The following CA10 variants were observed in gnomAD, a reference collection of about 807,000 sequenced individuals.
CA10 encodes the protein carbonic anhydrase-related protein 10.
In CA10, 14 loss-of-function variants were observed where a neutral mutation model predicts 44.2. The observed-to-expected ratio is 0.32, with a 90% CI of 0.21 to 0.50. The LOEUF (loss-of-function observed/expected upper bound fraction) is 0.50, where lower values mean the gene tolerates loss of function less well. Ranked by LOEUF, CA10 falls within the 20% of genes least tolerant of loss-of-function variation. The probability of loss-of-function intolerance (pLI) is 0.99; values close to 1 mark genes in which losing one functional copy is unlikely to be tolerated. For synonymous variants in CA10, 159 were observed against 141.6 expected (o/e 1.12, Z -0.87); for missense variants, 350 against 409.7 (o/e 0.85, Z 1.26).
intron 3 of CA10, among the ~76,000 whole-genome samples, chr17:51,790,530 T>C (rs1032445061): frequency 2.6e-5 from 4 of 152,228 alleles, no homozygotes; most frequent in Non-Finnish European, 5.9e-5. Context: ...CTTGAACACA[T>C]TTCTTTTCAT....
chr17:51,680,998 G>A (rs912942174), intron 4 of CA10, among the ~76,000 whole-genome samples: 1 of 152,120 alleles, frequency 6.6e-6, no homozygotes, highest in African/African-American at 2.4e-5. Flanking sequence ...AATATTTATG[G>A]TGCCTATGAA....
intron 2 of CA10, among the ~76,000 whole-genome samples, chr17:52,044,985 A>G (rs1481692388): frequency 6.6e-6 from 1 of 151,906 alleles, no homozygotes; most frequent in East Asian, 2.0e-4. Context: ...ACCATAAAAA[A>G]TTGAACATAA....
chr17:51,869,909 G>A (rs1979726341), intron 3 of CA10, among the ~76,000 whole-genome samples: 1 of 152,168 alleles, frequency 6.6e-6, no homozygotes, highest in South Asian at 2.1e-4. Flanking sequence ...GTATAAAGAT[G>A]TCTATTAGAA....
chr17:51,830,917 C>T (rs1033071685), intron 3 of CA10, among the ~76,000 whole-genome samples: 2 of 152,166 alleles, frequency 1.3e-5, no homozygotes, highest in Non-Finnish European at 2.9e-5. Flanking sequence ...AGACCACAGG[C>T]CTGAACTTGG....
chr17:51,643,072 G>A (rs533355646), intron 6 of CA10, among the ~76,000 whole-genome samples: 1 of 152,320 alleles, frequency 6.6e-6, no homozygotes, highest in Non-Finnish European at 1.5e-5. Flanking sequence ...AGAGGAAAGT[G>A]TTTTATATGC....
At chr17:52,098,380 T>C (rs1988456572) in intron 1 of CA10, among the ~76,000 whole-genome samples, 2 of 152,212 alleles carry the variant, frequency 1.3e-5, no homozygotes, top group Admixed American at 1.3e-4. Context: ...ACAACTTGCC[T>C]GGTGATGCCA....
At position 51,996,743 on chromosome 17, in the gene CA10, C is replaced by T. The variant is rs796342116; in HGVS notation, c.137-65611G>A. 7.2e-5 allele frequency among the ~76,000 whole-genome samples: 11 copies of T among 152,080 alleles called. 2 individuals are homozygous for T. Among genetic ancestry groups the T allele is most frequent in the African/African-American group, 2.6e-4 (11 of 41,514 alleles). ...TTGATCAGAAATCATGCCCACTTGG[C>T]CTTTTTGACACCCACCTTGTAAAGG... On this transcript the variant is annotated intron_variant, in intron 2 of 8. Coordinates refer to ENST00000451037, the MANE Select transcript of CA10 (RefSeq NM_020178.5).
At chr17:52,120,171 C>T (rs1988982405) in intron 1 of CA10, among the ~76,000 whole-genome samples, 2 of 152,214 alleles carry the variant, frequency 1.3e-5, no homozygotes, top group Admixed American at 1.3e-4. Context: ...GATTTTTGAG[C>T]TGCCCTTACC....
intron 2 of CA10, among the ~76,000 whole-genome samples, chr17:52,023,631 C>A (rs1207633175): frequency 6.6e-6 from 1 of 151,458 alleles, no homozygotes; most frequent in Non-Finnish European, 1.5e-5. Context: ...GGATGTGATT[C>A]AACTAATGAG....
intron 2 of CA10, among the ~76,000 whole-genome samples, chr17:51,961,743 T>C (rs1307972467): frequency 6.6e-6 from 1 of 152,158 alleles, no homozygotes; most frequent in Non-Finnish European, 1.5e-5. Flanking sequence ...CTACCAAAAC[T>C]GACAAGAAAT....
intron 3 of CA10, among the ~76,000 whole-genome samples, chr17:51,768,437 T>A (rs1905471057): frequency 6.6e-6 from 1 of 152,200 alleles, no homozygotes; most frequent in South Asian, 2.1e-4. Context: ...AATAAGACAT[T>A]CCATCATCTT....
At chr17:52,090,494 A>T (rs1054703308) in intron 1 of CA10, among the ~76,000 whole-genome samples, 1 of 152,162 alleles carries the variant, frequency 6.6e-6, no homozygotes. Context: ...TAAATATCAA[A>T]ATCTACAGCA....
intron 3 of CA10, among the ~76,000 whole-genome samples, chr17:51,883,613 C>A (rs1387478173): frequency 6.6e-6 from 1 of 152,112 alleles, no homozygotes; most frequent in Non-Finnish European, 1.5e-5. Context: ...TTTCTTCTTT[C>A]ATCTTCCAGG....
intron 3 of CA10, among the ~76,000 whole-genome samples, chr17:51,907,122 A>T (rs772345757): frequency 1.3e-5 from 2 of 152,120 alleles, no homozygotes; most frequent in Non-Finnish European, 2.9e-5. Flanking sequence ...GGCTCTTGAC[A>T]ATCAGACTTT....
chr17:52,043,770 T>A (rs1312510828), intron 2 of CA10, among the ~76,000 whole-genome samples: 1 of 152,136 alleles, frequency 6.6e-6, no homozygotes, highest in Non-Finnish European at 1.5e-5. Flanking sequence ...TATGAAAGGA[T>A]GTTGATTTTG....
chr17:51,748,398 CTTCCAAT>C, intron 3 of CA10: 2 of 839,486 alleles, frequency 2.4e-6, no homozygotes, highest in Non-Finnish European at 2.9e-6. Flanking sequence ...TTCACTCAAA[CTTCCAAT>C]TTCATAGATT....
At chr17:52,024,290 A>G (rs1433113449) in intron 2 of CA10, among the ~76,000 whole-genome samples, 1 of 152,172 alleles carries the variant, frequency 6.6e-6, no homozygotes, top group African/African-American at 2.4e-5. Flanking sequence ...GACTGAACAC[A>G]TAATATACTT....
At chr17:51,992,530 C>T (rs749416364) in intron 2 of CA10, among the ~76,000 whole-genome samples, 5 of 152,132 alleles carry the variant, frequency 3.3e-5, no homozygotes, top group Non-Finnish European at 5.9e-5. Context: ...ACCTTCCATT[C>T]TCTGATTTCA....
intron 3 of CA10, among the ~76,000 whole-genome samples, chr17:51,780,772 C>T (rs1258731061): frequency 6.6e-6 from 1 of 152,132 alleles, no homozygotes; most frequent in East Asian, 1.9e-4. Context: ...AAAGAAATGG[C>T]ACACCTGGCA....
Sources: allele counts gnomAD v4.1 joint callset (sites outside exome capture counted in the v4.1 genomes callset), GRCh38; gene constraint gnomAD v4.1.1; transcripts MANE v1.5; gene names NCBI Gene and HGNC (gene_info 2026-07-23, HGNC 2026-07-21).